TYW1: variants seen among roughly 807,000 people sequenced by gnomAD.
The protein encoded by TYW1 is tRNA-yW synthesizing protein 1 homolog.
A neutral mutation model predicts 96.2 loss-of-function variants in TYW1; 46 were observed. That is an observed-to-expected ratio of 0.48 (90% CI 0.38 to 0.61). The LOEUF (loss-of-function observed/expected upper bound fraction) is 0.61. Among genes scored for constraint, TYW1 ranks in the 20% least tolerant of loss-of-function variants. TYW1 has a pLI of 0.00. For synonymous variants in TYW1, 274 were observed against 323.0 expected (o/e 0.85, Z 1.63); for missense variants, 684 against 909.6 (o/e 0.75, Z 3.19).
At chr7:67,224,978 G>C (rs894872980) in intron 15 of TYW1, among the ~76,000 whole-genome samples, 2 of 152,104 alleles carry the variant, frequency 1.3e-5, no homozygotes, top group African/African-American at 4.8e-5. Flanking sequence ...ATCACCTGAG[G>C]TCAGGGGTTC....
intron 14 of TYW1, among the ~76,000 whole-genome samples, chr7:67,194,314 C>T (rs1248532129): frequency 4.0e-5 from 6 of 151,274 alleles, no homozygotes; most frequent in Non-Finnish European, 5.9e-5. Flanking sequence ...AAGTGCATTA[C>T]AAAATTAACT....
chr7:67,070,301 A>G (rs1263354972), intron 10 of TYW1, among the ~76,000 whole-genome samples: 1 of 152,102 alleles, frequency 6.6e-6, no homozygotes, highest in Admixed American at 6.6e-5. Flanking sequence ...TTTTTCAATA[A>G]TTATTTCTTC....
At chr7:67,076,718 C>T (rs559514560) in intron 10 of TYW1, among the ~76,000 whole-genome samples, 5 of 151,450 alleles carry the variant, frequency 3.3e-5, no homozygotes, top group Non-Finnish European at 2.9e-5. Context: ...TCAGGTGATC[C>T]GCCTCCCTTG....
intron 14 of TYW1, among the ~76,000 whole-genome samples, chr7:67,187,227 C>G (rs1800057774): frequency 6.6e-6 from 1 of 151,986 alleles, no homozygotes; most frequent in Non-Finnish European, 1.5e-5. Flanking sequence ...CCATGCTTGG[C>G]CAATTTGTGT....
chr7:67,026,022 C>T (rs1415359369), intron 7 of TYW1, among the ~76,000 whole-genome samples: 1 of 152,116 alleles, frequency 6.6e-6, no homozygotes, highest in Non-Finnish European at 1.5e-5. Context: ...TAAAAGAGAA[C>T]ACCTCATTTA....
chr7:67,089,198 C>G, intron 11 of TYW1: 2 of 837,834 alleles, frequency 2.4e-6, no homozygotes, highest in South Asian at 2.7e-5. Context: ...ACCCCTTTCC[C>G]CCTTATATAT....
At chr7:67,044,562 C>G (rs1043651561) in intron 7 of TYW1, among the ~76,000 whole-genome samples, 18 of 152,168 alleles carry the variant, frequency 1.2e-4, no homozygotes, top group African/African-American at 4.3e-4. Flanking sequence ...TGGCTCCAGG[C>G]CTAGCCAGGT....
chr7:67,035,107 A>G (rs1044476790), intron 7 of TYW1, among the ~76,000 whole-genome samples: 2 of 150,248 alleles, frequency 1.3e-5, no homozygotes, highest in Non-Finnish European at 1.5e-5. Flanking sequence ...TTTTCTTTTC[A>G]TGTGAAACAT....
chr7:67,147,318 T>C (rs1436801719), intron 13 of TYW1, among the ~76,000 whole-genome samples: 1 of 152,232 alleles, frequency 6.6e-6, no homozygotes, highest in Non-Finnish European at 1.5e-5. Flanking sequence ...CATCATTTTA[T>C]GAAGAAACTG....
At chr7:67,006,161 G>T (rs1793578486) in intron 3 of TYW1, among the ~76,000 whole-genome samples, 1 of 152,102 alleles carries the variant, frequency 6.6e-6, no homozygotes. Context: ...GGCAGATTTT[G>T]CATGAGAGGT....
intron 7 of TYW1, among the ~76,000 whole-genome samples, chr7:67,029,696 G>T (rs1279466624): frequency 2.6e-5 from 4 of 151,804 alleles, no homozygotes; most frequent in African/African-American, 9.7e-5. Flanking sequence ...TTGCAGGTTT[G>T]TTTTTTGTTT....
chr7:67,172,430 C>CCTTTTTTTTT lies in TYW1; in HGVS notation c.1699-10696_1699-10695insCTTTTTTTTT, dbSNP rs777213368. On this transcript the variant is annotated intron_variant, in intron 13 of 15. Coordinates refer to ENST00000359626, the MANE Select transcript of TYW1 (RefSeq NM_018264.4). ...TTGAACCCCACATGACCTTACCATT[C>CCTTTTTTTTT]TTTTTTTTGAGATGGAGTCTCACTC... is the stretch of plus-strand genomic sequence containing the variant. Among the ~76,000 whole-genome samples, 129 of 143,938 alleles carry CCTTTTTTTTT rather than the reference C, an allele frequency of 9.0e-4. 2 individuals carry two copies. The highest frequency in any genetic ancestry group is 1.3e-3 in the South Asian group (6 of 4,530). 94.4% of individuals were successfully genotyped at this position (143,938 alleles called of 152,430 possible).
At chr7:67,099,547 G>A (rs1797024137) in intron 12 of TYW1, among the ~76,000 whole-genome samples, 1 of 152,280 alleles carries the variant, frequency 6.6e-6, no homozygotes, top group East Asian at 1.9e-4. Flanking sequence ...CTTCAAATGC[G>A]GTCCTTTGGA....
At chr7:67,117,405 A>C in intron 12 of TYW1, 78 bp from the exon 13 acceptor site, 3 of 1,510,558 alleles carry the variant, frequency 2.0e-6, no homozygotes, top group Non-Finnish European at 2.7e-6. Context: ...TGTCTATTAC[A>C]GATTGCAGGT....
intron 12 of TYW1, 91 bp downstream of exon 12, chr7:67,098,809 T>A: frequency 7.4e-7 from 1 of 1,351,596 alleles, no homozygotes; most frequent in Non-Finnish European, 1.0e-6. Flanking sequence ...CAAATAGGAT[T>A]TATTGATTAC....
chr7:67,234,716 G>A, intron 15 of TYW1, among the ~76,000 whole-genome samples: 1 of 152,172 alleles, frequency 6.6e-6, no homozygotes, highest in Admixed American at 6.5e-5. Context: ...CTGTGCAACT[G>A]AAATTTCTTC....
At position 67,055,754 on chromosome 7, in the gene TYW1, A is replaced by ATTTT. The variant is rs1036870883; in HGVS notation, c.1103-79_1103-76dup. On this transcript the variant is annotated intron_variant, in intron 8 of 15. Coordinates refer to ENST00000359626, the MANE Select transcript of TYW1 (RefSeq NM_018264.4). ...AATAATTTAGCAAAAAAAAAAAAAA[A>ATTTT]TTTTTGCTAAATTTTAAAGTCACTT... is the stretch of plus-strand genomic sequence containing the variant. The ATTTT allele has an allele frequency of 2.5e-6, 3 of 1,204,232 alleles. No homozygotes were observed. In the African/African-American group the frequency reaches 4.7e-5, roughly 19 times the overall value. 74.6% of individuals were successfully genotyped at this position (1,204,232 alleles called of 1,614,324 possible).
rs567250917 is a variant in TYW1 at position 67,012,871 on chromosome 7, A to G, written c.376-1496A>G. Among the ~76,000 whole-genome samples, 14 of 151,886 alleles carry G rather than the reference A, an allele frequency of 9.2e-5. No individual in the cohort carries two copies. The East Asian group carries it at 2.7e-3, about 29-fold the overall frequency. The stretch of plus-strand genomic sequence containing the variant: ...TAGACTTGATATATCCCCAAGGTAC[A>G]TCATTATGTATATGCAGATTTAAAA... On this transcript the variant is annotated intron_variant, in intron 4 of 15. Coordinates refer to ENST00000359626, the MANE Select transcript of TYW1 (RefSeq NM_018264.4).
At chr7:67,167,236 G>C (rs567746267) in intron 13 of TYW1, among the ~76,000 whole-genome samples, 104 of 152,096 alleles carry the variant, frequency 6.8e-4, no homozygotes, top group Non-Finnish European at 1.2e-3. Context: ...TTGGGAGGCC[G>C]AGGCGGTTGG....
Sources: gnomAD v4.1 joint callset for allele counts (sites outside exome capture counted in the v4.1 genomes callset) on GRCh38, gnomAD v4.1.1 for gene constraint, MANE v1.5 for transcripts, NCBI Gene and HGNC (gene_info 2026-07-23, HGNC 2026-07-21) for gene names.